The following GRIN2B variants were observed in gnomAD, a reference collection of about 807,000 sequenced individuals.
GRIN2B encodes the protein glutamate ionotropic receptor NMDA type subunit 2B.
GRIN2B carries 5 observed loss-of-function variants against 114.5 expected under a neutral mutation model. The observed-to-expected ratio is 0.04, with a 90% CI of 0.02 to 0.09. The LOEUF (loss-of-function observed/expected upper bound fraction) is 0.09, where lower values mean the gene tolerates loss of function less well. GRIN2B is among the 10% of genes least tolerant of loss of function. GRIN2B has a pLI of 1.00. For synonymous variants in GRIN2B, 787 were observed against 745.1 expected (o/e 1.06, Z -0.92); for missense variants, 1,108 against 1,943.5 (o/e 0.57, Z 8.08).
intron 5 of GRIN2B, among the ~76,000 whole-genome samples, chr12:13,664,604 A>G (rs1311927427): frequency 1.3e-5 from 2 of 152,218 alleles, no homozygotes; most frequent in Non-Finnish European, 2.9e-5. Flanking sequence ...GCCACATGTG[A>G]GGAAACACTG....
chr12:13,886,980 G>A (rs77631654), intron 2 of GRIN2B, among the ~76,000 whole-genome samples: 7,606 of 152,226 alleles, frequency 0.05, 264 homozygotes, highest in Admixed American at 0.073. Context: ...CGAATAAACT[G>A]AAGTACAGAA....
chr12:13,779,828 G>A (rs887518689), intron 3 of GRIN2B, among the ~76,000 whole-genome samples: 7 of 152,170 alleles, frequency 4.6e-5, no homozygotes, highest in Non-Finnish European at 1.0e-4. Context: ...TAACCTCTCT[G>A]TGCCTCAGTT....
At chr12:13,744,819 C>T (rs1040070076) in intron 4 of GRIN2B, among the ~76,000 whole-genome samples, 3 of 152,152 alleles carry the variant, frequency 2.0e-5, no homozygotes, top group African/African-American at 7.2e-5. Context: ...ACCATGTCCT[C>T]CCGGAAGAGG....
intron 3 of GRIN2B, among the ~76,000 whole-genome samples, chr12:13,769,870 C>A (rs1591720998): frequency 6.6e-6 from 1 of 152,288 alleles, no homozygotes; most frequent in East Asian, 1.9e-4. Flanking sequence ...ATGTCTGAAG[C>A]CAGTGGGACT....
chr12:13,889,523 C>T (rs1277357515), intron 2 of GRIN2B, among the ~76,000 whole-genome samples: 2 of 152,174 alleles, frequency 1.3e-5, no homozygotes, highest in African/African-American at 2.4e-5. Flanking sequence ...TTCACAAAAC[C>T]TCTGCAAGGT....
chr12:13,675,719 C>A, intron 5 of GRIN2B, 26 bp downstream of exon 5: 3 of 1,365,864 alleles, frequency 2.2e-6, no homozygotes, highest in African/African-American at 2.8e-5. Context: ...CTACTTTGCT[C>A]AAGAATTGTC....
intron 2 of GRIN2B, among the ~76,000 whole-genome samples, chr12:13,874,186 A>G (rs1865958508): frequency 6.6e-6 from 1 of 152,176 alleles, no homozygotes; most frequent in Non-Finnish European, 1.5e-5. Context: ...CTCCCGAGTA[A>G]GAGCCTTCTC....
chr12:13,634,398 C>T (rs1565483928), intron 5 of GRIN2B: 1 of 152,204 alleles, frequency 6.6e-6, no homozygotes, highest in Non-Finnish European at 1.5e-5. Context: ...CGTGTAACCA[C>T]ATTGAGGTTG....
intron 4 of GRIN2B, among the ~76,000 whole-genome samples, chr12:13,733,352 C>G (rs1863120433): frequency 2.0e-5 from 3 of 151,744 alleles, no homozygotes; most frequent in Admixed American, 2.0e-4. Context: ...CCTATACTTC[C>G]CCAAAAGTAA....
chr12:13,795,127 A>G (rs1482462056), intron 3 of GRIN2B, among the ~76,000 whole-genome samples: 1 of 152,206 alleles, frequency 6.6e-6, no homozygotes, highest in Non-Finnish European at 1.5e-5. Flanking sequence ...TTAGAACCAA[A>G]CAAGAAAAGT....
intron 5 of GRIN2B, among the ~76,000 whole-genome samples, chr12:13,669,305 C>T (rs2268102): frequency 0.48 from 72,204 of 151,716 alleles, 17,760 homozygotes; most frequent in African/African-American, 0.58. Context: ...TTATTCTTCA[C>T]ACATTTAAAG....
At chr12:13,686,255 A>G (rs968856029) in intron 4 of GRIN2B, among the ~76,000 whole-genome samples, 10 of 152,204 alleles carry the variant, frequency 6.6e-5, no homozygotes, top group African/African-American at 2.4e-4. Context: ...ATATTCTAAA[A>G]TGAGATTGAC....
intron 3 of GRIN2B, among the ~76,000 whole-genome samples, chr12:13,843,123 A>G (rs1369815845): frequency 6.7e-6 from 1 of 149,426 alleles, no homozygotes; most frequent in African/African-American, 2.4e-5. Flanking sequence ...AAAAAAAAAA[A>G]AAAACACTGC....
intron 2 of GRIN2B, among the ~76,000 whole-genome samples, chr12:13,935,288 A>T (rs950326254): frequency 1.3e-5 from 2 of 152,242 alleles, no homozygotes; most frequent in Non-Finnish European, 2.9e-5. Flanking sequence ...CTGCTATGCT[A>T]AAACAGGACT....
chr12:13,726,229 A>AT (rs60156244), intron 4 of GRIN2B, among the ~76,000 whole-genome samples: 2,362 of 151,290 alleles, frequency 0.016, 66 homozygotes, highest in African/African-American at 0.054. Flanking sequence ...AGGGGCCAAT[A>AT]TTTTTTTTTA....
chr12:13,890,991 C>T (rs1471108434), intron 2 of GRIN2B, among the ~76,000 whole-genome samples: 1 of 152,118 alleles, frequency 6.6e-6, no homozygotes, highest in Non-Finnish European at 1.5e-5. Context: ...TACACATTAG[C>T]CAAGCCAGCC....
chr12:13,966,618 C>T (rs969981620), intron 2 of GRIN2B, among the ~76,000 whole-genome samples: 3 of 152,202 alleles, frequency 2.0e-5, no homozygotes, highest in African/African-American at 7.2e-5. Flanking sequence ...GATCTGGAAG[C>T]TTCTAATTCA....
intron 3 of GRIN2B, among the ~76,000 whole-genome samples, chr12:13,790,559 T>C (rs141489270): frequency 1.8e-4 from 27 of 152,346 alleles, no homozygotes; most frequent in African/African-American, 3.1e-4. Context: ...TGACATGAGG[T>C]CTGCCGAGGT....
At chr12:13,895,925 A>G (rs1866345049) in intron 2 of GRIN2B, among the ~76,000 whole-genome samples, 1 of 152,152 alleles carries the variant, frequency 6.6e-6, no homozygotes, top group Non-Finnish European at 1.5e-5. Context: ...CATGACTTAA[A>G]ACACTTTGCA....
Sources: gnomAD v4.1 joint callset for allele counts (sites outside exome capture counted in the v4.1 genomes callset) on GRCh38, gnomAD v4.1.1 for gene constraint, MANE v1.5 for transcripts, NCBI Gene and HGNC (gene_info 2026-07-23, HGNC 2026-07-21) for gene names.